Variants in SORCS1 observed in about 807,000 individuals in gnomAD.
The protein encoded by SORCS1 is sortilin related VPS10 domain containing receptor 1.
Under a neutral mutation model 146.1 loss-of-function variants are expected in SORCS1, and 60 were observed. The observed-to-expected ratio is 0.41, with a 90% CI of 0.33 to 0.51. The LOEUF is 0.51. Ranked by LOEUF, SORCS1 falls within the 20% of genes least tolerant of loss-of-function variation. SORCS1 has a pLI of 0.21. For synonymous variants in SORCS1, 637 were observed against 584.0 expected, an observed-to-expected ratio of 1.09 and a Z score of -1.31; for missense variants, 1,352 against 1,487.6, an observed-to-expected ratio of 0.91 and a Z score of 1.50.
chr10:106,915,167 C>T (rs75264889), intron 2 of SORCS1, among the ~76,000 whole-genome samples: 1,559 of 152,232 alleles, frequency 0.01, 26 homozygotes, highest in African/African-American at 0.034. Flanking sequence ...GTGATATTCT[C>T]CTCCAAAATG....
chr10:106,646,687 A>G (rs1406867384), intron 18 of SORCS1, among the ~76,000 whole-genome samples: 5 of 152,074 alleles, frequency 3.3e-5, no homozygotes, highest in Non-Finnish European at 5.9e-5. Flanking sequence ...ACAGAGTGAG[A>G]CTCAAAAAAA....
At position 106,611,633 on chromosome 10, in the gene SORCS1, T is replaced by G. The variant is rs547769151; in HGVS notation, c.3033+278A>C. Among the ~76,000 whole-genome samples the G allele has an allele frequency of 3.3e-5, 5 of 152,286 alleles. No homozygotes were observed. In the South Asian group the frequency reaches 1.0e-3, roughly 32 times the overall value. The stretch of plus-strand genomic sequence containing the variant: ...GAAATGTGGACAAAGGAGTTTAGGA[T>G]GTACTTGTCCTCCTTCTCTAAGCAG... On this transcript the variant is annotated intron_variant, in intron 22 of 25. Coordinates refer to ENST00000263054, the MANE Select transcript of SORCS1 (RefSeq NM_052918.5).
chr10:107,093,062 C>A (rs1964311965), intron 1 of SORCS1, among the ~76,000 whole-genome samples: 1 of 152,176 alleles, frequency 6.6e-6, no homozygotes, highest in African/African-American at 2.4e-5. Context: ...AAGCCTCATG[C>A]AGCTTATGCT....
At chr10:107,028,318 G>A (rs1280195191) in intron 1 of SORCS1, among the ~76,000 whole-genome samples, 2 of 152,130 alleles carry the variant, frequency 1.3e-5, no homozygotes, top group East Asian at 3.9e-4. Flanking sequence ...TTGTGAAATG[G>A]GCATCAGGGA....
intron 10 of SORCS1, 34 bp downstream of exon 10, chr10:106,688,156 CTG>C: frequency 6.2e-7 from 1 of 1,603,958 alleles, no homozygotes. Context: ...CATCCCTCTA[CTG>C]TGTGAGGCAT....
At chr10:106,606,156 A>G (rs1329411821) in intron 23 of SORCS1, among the ~76,000 whole-genome samples, 1 of 152,210 alleles carries the variant, frequency 6.6e-6, no homozygotes, top group Admixed American at 6.5e-5. Flanking sequence ...TAACAACAAC[A>G]TAATTATCCC....
chr10:106,661,886 A>G (rs1459004654), intron 17 of SORCS1, among the ~76,000 whole-genome samples: 1 of 152,252 alleles, frequency 6.6e-6, no homozygotes, highest in Non-Finnish European at 1.5e-5. Context: ...CCTTCATGTC[A>G]AATGACATGT....
At chr10:106,641,496 A>G (rs1177812148) in intron 18 of SORCS1, among the ~76,000 whole-genome samples, 1 of 152,214 alleles carries the variant, frequency 6.6e-6, no homozygotes, top group East Asian at 1.9e-4. Flanking sequence ...ATTCTAATGC[A>G]TGTCTAGGAA....
chr10:106,611,942 A>ATGTCCCTCCTCC lies in SORCS1; in HGVS notation c.2990_3001dup (p.Asp1000_Ile1001insArgArgArgAsp). ...CAGGGATTTTTTGATGACTCGACCGATGTCCCTCCTCCACTCAGGGATGTC... is the reference window on the plus strand; with the variant it reads ...CAGGGATTTTTTGATGACTCGACCGATGTCCCTCCTCCTGTCCCTCCTCCACTCAGGGATGTC... On this transcript the variant is annotated inframe_insertion, in exon 22 of 26. Transcript: ENST00000263054. 6.2e-7 allele frequency: 1 copy of ATGTCCCTCCTCC among 1,614,146 alleles called. No homozygotes were observed. The highest frequency in any genetic ancestry group is 8.5e-7 in the Non-Finnish European group (1 of 1,179,994).
At chr10:106,747,192 C>T (rs927677643) in intron 5 of SORCS1, among the ~76,000 whole-genome samples, 2 of 152,192 alleles carry the variant, frequency 1.3e-5, no homozygotes, top group Admixed American at 6.5e-5. Flanking sequence ...AAAACCTTGA[C>T]AGCTTTCTCT....
upstream of SORCS1, among the ~76,000 whole-genome samples, chr10:107,165,059 T>A (rs1482988420): frequency 6.6e-6 from 1 of 151,972 alleles, no homozygotes; most frequent in African/African-American, 2.4e-5. This position sits in a 1 kb window ranked among gnomAD's most constrained non-coding sequence, Gnocchi z 4.0. Flanking sequence ...GAGCTTCCTA[T>A]TCCTGCTTTA....
At chr10:106,587,028 C>T (rs949707389) in intron 24 of SORCS1, among the ~76,000 whole-genome samples, 8 of 151,970 alleles carry the variant, frequency 5.3e-5, no homozygotes, top group African/African-American at 1.5e-4. Flanking sequence ...AATCATATTG[C>T]GGGGAGGGAT....
chr10:107,172,816 T>G, the SORCS1 span, among the ~76,000 whole-genome samples: 1 of 152,304 alleles, frequency 6.6e-6, no homozygotes, highest in South Asian at 2.1e-4. Flanking sequence ...ATATGGCAAT[T>G]TAAGGCAAAA....
chr10:106,843,880 C>T (rs1949181612), intron 2 of SORCS1, among the ~76,000 whole-genome samples: 1 of 152,206 alleles, frequency 6.6e-6, no homozygotes, highest in South Asian at 2.1e-4. Context: ...CACCAGCTAT[C>T]TCAAGATAGT....
intron 1 of SORCS1, among the ~76,000 whole-genome samples, chr10:106,961,479 G>A (rs11193131): frequency 0.43 from 65,172 of 152,116 alleles, 17,419 homozygotes; most frequent in Non-Finnish European, 0.59. Context: ...CTAAACAGAA[G>A]CACAGGAATT....
At chr10:107,114,115 T>C (rs867122747) in intron 1 of SORCS1, among the ~76,000 whole-genome samples, 1 of 152,114 alleles carries the variant, frequency 6.6e-6, no homozygotes, top group Middle Eastern at 3.2e-3. Context: ...GTAATTTGAA[T>C]AGACAAATAA....
rs145548900 is a variant in SORCS1 at position 106,729,921 on chromosome 10, C to T, written c.1024+129G>A. 1.7e-4 allele frequency: 199 copies of T among 1,153,634 alleles called. No homozygotes were observed. The African/African-American group carries it at 2.6e-3, about 15-fold the overall frequency. 71.5% of individuals were successfully genotyped at this position (1,153,634 alleles called of 1,614,324 possible). On this transcript the variant is annotated intron_variant, in intron 6 of 25. Coordinates refer to ENST00000263054, the MANE Select transcript of SORCS1 (RefSeq NM_052918.5). ...AAGAAGCAGGTCACCCCTGCAACCC[C>T]AAATCCTCAGAAACCACACATCCAC...
chr10:106,613,241 G>A (rs1033453758), intron 21 of SORCS1, among the ~76,000 whole-genome samples: 1 of 152,142 alleles, frequency 6.6e-6, no homozygotes, highest in Non-Finnish European at 1.5e-5. Context: ...GAAGCAAGAT[G>A]GTGATTACAC....
At chr10:107,106,513 TA>T (rs1307060716) in intron 1 of SORCS1, among the ~76,000 whole-genome samples, 18 of 152,222 alleles carry the variant, frequency 1.2e-4, no homozygotes, top group African/African-American at 4.3e-4. Flanking sequence ...ACTATATATC[TA>T]AATATTGAAT....
Sources: gnomAD v4.1 joint callset for allele counts (sites outside exome capture counted in the v4.1 genomes callset) on GRCh38, gnomAD v4.1.1 for gene constraint, Gnocchi (gnomAD v3.1) non-coding constraint, MANE v1.5 for transcripts, NCBI Gene and HGNC (gene_info 2026-07-23, HGNC 2026-07-21) for gene names.